Variants in PPP2R1A observed in about 807,000 individuals in gnomAD.
PPP2R1A encodes the protein serine/threonine-protein phosphatase 2A 65 kDa regulatory subunit A alpha isoform.
Under a neutral mutation model 67.1 loss-of-function variants are expected in PPP2R1A, and 15 were observed. The ratio of observed to expected loss-of-function variants is 0.22; its 90% CI spans 0.15 to 0.34. The LOEUF is 0.34. Among genes scored for constraint, PPP2R1A ranks in the 10% least tolerant of loss-of-function variants. PPP2R1A has a pLI of 1.00. For synonymous variants in PPP2R1A, 337 were observed against 325.0 expected (o/e 1.04, Z -0.40); for missense variants, 369 against 775.0 (o/e 0.48, Z 6.22).
rs1978766181 is a variant in PPP2R1A at position 52,219,182 on chromosome 19, G to A, written c.1129-509G>A. ...CTGGGCAAGGGCCAGTCCTATCCTC[G>A]GAATGTGCAGGGTTTCAACAGCCCA... On this transcript the variant is annotated intron_variant, in intron 9 of 14. Transcript: ENST00000322088. The surrounding 1 kb of genome is among the most constrained non-coding windows in gnomAD (Gnocchi z 4.0). Among the ~76,000 whole-genome samples, 3 of 152,178 alleles carry A rather than the reference G, an allele frequency of 2.0e-5. No homozygotes were observed. The highest frequency in any genetic ancestry group is 4.4e-5 in the Non-Finnish European group (3 of 68,032).
intron 13 of PPP2R1A, among the ~76,000 whole-genome samples, chr19:52,223,393 CCTT>C (rs1336672507): frequency 3.9e-5 from 6 of 152,130 alleles, no homozygotes; most frequent in African/African-American, 1.4e-4. Context: ...GGTAAGTTGA[CCTT>C]CTGTAAAATG....
At chr19:52,206,739 G>T (rs3826653) in intron 3 of PPP2R1A, among the ~76,000 whole-genome samples, 18,245 of 152,168 alleles carry the variant, frequency 0.12, 1,277 homozygotes, top group East Asian at 0.24. Flanking sequence ...ACAAAGATGG[G>T]CCAGATCCCA....
At position 52,211,938 on chromosome 19, in the gene PPP2R1A, T is replaced by C. The variant is rs935840199; in HGVS notation, c.503+446T>C. Among the ~76,000 whole-genome samples, 1 of 152,242 alleles carries C rather than the reference T, an allele frequency of 6.6e-6. No individual in the cohort carries two copies. Among genetic ancestry groups the C allele is most frequent in the Non-Finnish European group, 1.5e-5 (1 of 68,036 alleles). On this transcript the variant is annotated intron_variant, in intron 4 of 14. Transcript: ENST00000322088. The surrounding 1 kb of genome is among the most constrained non-coding windows in gnomAD (Gnocchi z 5.3). ...AACGATTGACCGTCAAGCCCGGGTT[T>C]GAGCCTGACTCACTCCAGAACTCTG... is the stretch of plus-strand genomic sequence containing the variant.
chr19:52,205,481 G>A (rs1044731364), intron 2 of PPP2R1A, among the ~76,000 whole-genome samples: 2 of 151,984 alleles, frequency 1.3e-5, no homozygotes, highest in Non-Finnish European at 2.9e-5. Context: ...AAGGTGTAGC[G>A]GACATCCTAG....
chr19:52,201,819 C>T, intron 1 of PPP2R1A, 125 bp from the exon 2 acceptor site: 1 of 790,372 alleles, frequency 1.3e-6, no homozygotes. Flanking sequence ...TGCCAAATTA[C>T]TCTTGAGCAT....
chr19:52,204,427 C>A (rs2089582047), intron 2 of PPP2R1A, among the ~76,000 whole-genome samples: 1 of 152,076 alleles, frequency 6.6e-6, no homozygotes, highest in Non-Finnish European at 1.5e-5. Flanking sequence ...CAGGCGACAG[C>A]TAGTGATGAT....
chr19:52,217,689 T>C (rs1978663572), intron 9 of PPP2R1A, among the ~76,000 whole-genome samples: 1 of 152,090 alleles, frequency 6.6e-6, no homozygotes, highest in Non-Finnish European at 1.5e-5. Flanking sequence ...GGATTTTTTT[T>C]CTCTCTCTCA....
At position 52,222,223 on chromosome 19, in the gene PPP2R1A, G is replaced by A; in HGVS notation, c.1643G>A (p.Gly548Glu). The A allele has an allele frequency of 3.1e-6, 5 of 1,613,956 alleles. No homozygotes were observed. The highest frequency in any genetic ancestry group is 4.2e-6 in the Non-Finnish European group (5 of 1,179,920). ...FNVAKSLQKIGPILDNSTLQS... is the reference protein window; with the variant it reads ...FNVAKSLQKIEPILDNSTLQS... Reference sequence around the variant, plus strand: ...GTGGCCAAGTCTCTGCAGAAGATAGGGCCCATCCTGGACAACAGGTGAGGT... The same window carrying A: ...GTGGCCAAGTCTCTGCAGAAGATAGAGCCCATCCTGGACAACAGGTGAGGT... Residue 548 changes from glycine to glutamate, a missense_variant, in exon 13 of 15, where the codon GGG becomes GAG. Around this residue, in one of 2 missense-constraint regions of PPP2R1A, gnomAD observed 276 missense variants for 508.4 expected, o/e 0.54. Coordinates refer to ENST00000322088, the MANE Select transcript of PPP2R1A (RefSeq NM_014225.6).
In PPP2R1A at chr19:52,226,333, G is replaced by GT. The variant is rs950684319; in HGVS notation, c.*361dup. On this transcript the variant is annotated 3_prime_UTR_variant, in exon 15 of 15. Coordinates refer to ENST00000322088, the MANE Select transcript of PPP2R1A (RefSeq NM_014225.6). Reference sequence around the variant, plus strand: ...CCACCTCCCGTCCTCCCCATCATTGGTTTTTTTTTGTGTGTCAACTGTGCC... The same window carrying GT: ...CCACCTCCCGTCCTCCCCATCATTGGTTTTTTTTTTGTGTGTCAACTGTGCC... 2.5e-3 allele frequency: 943 copies of GT among 381,098 alleles called. 1 individual carries two copies. Among genetic ancestry groups the GT allele is most frequent in the Middle Eastern group, 0.013 (19 of 1,438 alleles). 23.6% of individuals were successfully genotyped at this position (381,098 alleles called of 1,614,324 possible).
In PPP2R1A at chr19:52,208,635, G is replaced by A. The variant is rs182767140; in HGVS notation, c.270+2572G>A. Among the ~76,000 whole-genome samples, 215 of 152,248 alleles carry A rather than the reference G, an allele frequency of 1.4e-3. 3 individuals carry two copies. In the Middle Eastern group the frequency reaches 0.041, roughly 29 times the overall value. On this transcript the variant is annotated intron_variant, in intron 3 of 14. Coordinates refer to ENST00000322088, the MANE Select transcript of PPP2R1A (RefSeq NM_014225.6). ...AAGCCTCAGCCTCCCAAGTAGCTGGGATTACAGGCACCCATCACCATGCCT... is the reference window on the plus strand; with the variant it reads ...AAGCCTCAGCCTCCCAAGTAGCTGGAATTACAGGCACCCATCACCATGCCT...
At chr19:52,206,194 C>T (rs1446183510) in intron 3 of PPP2R1A, 131 bp downstream of exon 3, 17 of 706,534 alleles carry the variant, frequency 2.4e-5, no homozygotes, top group African/African-American at 9.0e-5. Context: ...CATGGACATC[C>T]GCTTTAATCC....
intron 3 of PPP2R1A, among the ~76,000 whole-genome samples, chr19:52,209,228 C>T (rs959651324): frequency 3.9e-5 from 6 of 152,130 alleles, no homozygotes; most frequent in South Asian, 2.1e-4. Flanking sequence ...TAAGTTCCAC[C>T]GGTAGTCACT....
intron 13 of PPP2R1A, 32 bp downstream of exon 13, chr19:52,222,273 A>G: frequency 6.2e-7 from 1 of 1,601,422 alleles, no homozygotes; most frequent in Non-Finnish European, 8.5e-7. Context: ...ACACACTGGC[A>G]GGGGCTTCTT....
At chr19:52,192,120 G>A (rs993419875) in intron 1 of PPP2R1A, among the ~76,000 whole-genome samples, 1 of 152,072 alleles carries the variant, frequency 6.6e-6, no homozygotes, top group Non-Finnish European at 1.5e-5. Context: ...GCCTTGTTGA[G>A]ATCCTGTTTG....
rs2089598458 is a variant in PPP2R1A at position 52,206,058 on chromosome 19, C to T, written c.265C>T (p.Leu89=). 2 of 1,613,702 alleles carry T rather than the reference C, an allele frequency of 1.2e-6. No homozygotes were observed. Among genetic ancestry groups the T allele is most frequent in the African/African-American group, 2.7e-5 (2 of 74,938 alleles). Residue 89 remains leucine, a synonymous_variant, in exon 3 of 15, where the codon CTG becomes TTG. Coordinates refer to ENST00000322088, the MANE Select transcript of PPP2R1A (RefSeq NM_014225.6). Reference sequence around the variant, plus strand: ...GGGAGGCCCAGAGTACGTGCACTGCCTGCTGGTGAGTGGAAGGCAGGAAGT... The same window carrying T: ...GGGAGGCCCAGAGTACGTGCACTGCTTGCTGGTGAGTGGAAGGCAGGAAGT... ...LVGGPEYVHC[L]LPPLESLATV... is the part of the protein sequence containing the mutation.
chr19:52,220,191 A>C lies in PPP2R1A; in HGVS notation c.1305A>C (p.Gly435=), dbSNP rs201487228. The change falls in exon 11 of 15, where the codon GGA becomes GGC. Residue 435 remains glycine, a splice_region_variant and synonymous_variant. Coordinates refer to ENST00000322088, the MANE Select transcript of PPP2R1A (RefSeq NM_014225.6). ...EYMPLLAGQL[G]VEFFDEKLNS... is the part of the protein sequence containing the mutation. ...GGAACCCTTGGTTTCTCCTGTAGGG[A>C]GTGGAGTTCTTTGATGAGAAACTTA... is the stretch of plus-strand genomic sequence containing the variant. The C allele has an allele frequency of 2.5e-6, 4 of 1,613,890 alleles. No homozygotes were observed. The East Asian group carries it at 8.9e-5, about 36-fold the overall frequency.
Position 52,211,246 on chromosome 19 carries a change from T to G in PPP2R1A, c.271-14T>G. 6.2e-7 allele frequency: 1 copy of G among 1,610,150 alleles called. No homozygotes were observed. Among genetic ancestry groups the G allele is most frequent in the African/African-American group, 1.3e-5 (1 of 74,920 alleles). ...GAGAGGGAGCTGTCCAGTGACTTTG[T>G]GTTCTCACCACAGCCACCGCTGGAG... is the stretch of plus-strand genomic sequence containing the variant. On this transcript the variant is annotated splice_polypyrimidine_tract_variant and intron_variant, in intron 3 of 14. Coordinates refer to ENST00000322088, the MANE Select transcript of PPP2R1A (RefSeq NM_014225.6). The surrounding 1 kb of genome is among the most constrained non-coding windows in gnomAD (Gnocchi z 5.3).
intron 9 of PPP2R1A, among the ~76,000 whole-genome samples, chr19:52,218,462 A>T (rs1343941454): frequency 6.6e-6 from 1 of 152,018 alleles, no homozygotes; most frequent in Non-Finnish European, 1.5e-5. Context: ...TTTCCCTATT[A>T]GTGGGTGATT....
rs112983236 is a variant in PPP2R1A, at chr19:52,210,484, C to CTTTT, written c.271-759_271-756dup. 8.0e-4 allele frequency among the ~76,000 whole-genome samples: 102 copies of CTTTT among 126,938 alleles called. 1 individual carries two copies. Among genetic ancestry groups the CTTTT allele is most frequent in the South Asian group, 4.8e-3 (19 of 3,956 alleles). 83.3% of individuals were successfully genotyped at this position (126,938 alleles called of 152,430 possible). On this transcript the variant is annotated intron_variant, in intron 3 of 14. Transcript: ENST00000322088. The stretch of plus-strand genomic sequence containing the variant: ...CCAGGCTGTACCTCAGTTTTCTCTT[C>CTTTT]TTTTTTTTTTTTTTTTTTTTCTTTT...
Sources: allele counts gnomAD v4.1 joint callset (sites outside exome capture counted in the v4.1 genomes callset), GRCh38; gene constraint gnomAD v4.1.1; regional missense constraint gnomAD v4.1.1; non-coding constraint Gnocchi (gnomAD v3.1); transcripts MANE v1.5; gene names NCBI Gene and HGNC (gene_info 2026-07-23, HGNC 2026-07-21).